RBFOX3: variants seen among roughly 807,000 people sequenced by gnomAD.
RBFOX3 encodes RNA binding fox-1 homolog 3, also known as RNA binding protein fox-1 homolog 3.
Under a neutral mutation model 48.7 loss-of-function variants are expected in RBFOX3, and 17 were observed. That is an observed-to-expected ratio of 0.35 (90% CI 0.24 to 0.52). RBFOX3 has a LOEUF of 0.52. RBFOX3 is among the 20% of genes least tolerant of loss of function. The probability of loss-of-function intolerance (pLI) is 0.94; values close to 1 mark genes in which losing one functional copy is unlikely to be tolerated. For missense variants in RBFOX3, 382 were observed against 497.5 expected, an observed-to-expected ratio of 0.77 and a Z score of 2.21; for synonymous variants, 212 against 209.5, an observed-to-expected ratio of 1.01 and a Z score of -0.10.
intron 1 of RBFOX3, among the ~76,000 whole-genome samples, chr17:79,501,784 A>C (rs996064331): frequency 6.6e-6 from 1 of 152,202 alleles, no homozygotes; most frequent in African/African-American, 2.4e-5. Flanking sequence ...ACAGTATTTA[A>C]CAACTGACCT....
Position 79,477,564 on chromosome 17 carries a change from A to G in RBFOX3, c.-175+4890T>C, listed in dbSNP as rs2078110127. 6.6e-6 allele frequency among the ~76,000 whole-genome samples: 1 copy of G among 152,046 alleles called. No homozygotes were observed. Among genetic ancestry groups the G allele is most frequent in the South Asian group, 2.1e-4 (1 of 4,826 alleles). Reference sequence around the variant, plus strand: ...GAGCGAAACTCCGTCACCGGAAAAAAAAAAAGAGGAGGAGGAGTAGGAAAA... The same window carrying G: ...GAGCGAAACTCCGTCACCGGAAAAAGAAAAAGAGGAGGAGGAGTAGGAAAA... On this transcript the variant is annotated intron_variant, in intron 2 of 14. Coordinates refer to ENST00000693108, the MANE Select transcript of RBFOX3 (RefSeq NM_001350451.2). This position sits in a 1 kb window ranked among gnomAD's most constrained non-coding sequence, Gnocchi z 4.8.
At chr17:79,289,137 C>T (rs947687904) in intron 3 of RBFOX3, among the ~76,000 whole-genome samples, 2 of 152,240 alleles carry the variant, frequency 1.3e-5, no homozygotes, top group African/African-American at 4.8e-5. Context: ...AAAAGACACG[C>T]CCCTATGCAG....
At chr17:79,604,260 G>A (rs1446120026) in intron 1 of RBFOX3, among the ~76,000 whole-genome samples, 3 of 152,202 alleles carry the variant, frequency 2.0e-5, no homozygotes, top group Non-Finnish European at 4.4e-5. Context: ...TCAACACCAA[G>A]TCATTAGGCT....
chr17:79,368,249 C>T (rs1158132585), intron 2 of RBFOX3, among the ~76,000 whole-genome samples: 3 of 152,064 alleles, frequency 2.0e-5, no homozygotes, highest in African/African-American at 7.2e-5. Flanking sequence ...TTATCTAAAG[C>T]AAAGGGAGCT....
intron 1 of RBFOX3, among the ~76,000 whole-genome samples, chr17:79,575,431 G>A (rs1188762330): frequency 6.6e-6 from 1 of 152,306 alleles, no homozygotes; most frequent in East Asian, 1.9e-4. Flanking sequence ...GAAGTGGGTC[G>A]AGGTGCAGGG....
chr17:79,299,351 C>T lies in RBFOX3; in HGVS notation c.-74+8373G>A, dbSNP rs1037981136. ...CTTAAAATGGGACTGTACAGGCAGT[C>T]CTCTGGATCTTAGAGTTCTGCATCC... On this transcript the variant is annotated intron_variant, in intron 3 of 14. Transcript: ENST00000693108. The surrounding 1 kb of genome is among the most constrained non-coding windows in gnomAD (Gnocchi z 4.5). Among the ~76,000 whole-genome samples the T allele has an allele frequency of 6.6e-6, 1 of 152,042 alleles. No individual in the cohort carries two copies. Among genetic ancestry groups the T allele is most frequent in the African/African-American group, 2.4e-5 (1 of 41,382 alleles).
At chr17:79,620,111 G>GCA in the RBFOX3 span, among the ~76,000 whole-genome samples, 14 of 123,452 alleles carry the variant, frequency 1.1e-4, no homozygotes, top group South Asian at 4.7e-4. Context: ...GTGCATGCAC[G>GCA]CATATGCACA....
intron 4 of RBFOX3, among the ~76,000 whole-genome samples, chr17:79,120,669 G>A (rs2035459250): frequency 7.1e-6 from 1 of 141,196 alleles, no homozygotes; most frequent in Admixed American, 7.1e-5. Flanking sequence ...CGGATGAATG[G>A]ATGGGTGGAT....
At chr17:79,101,536 T>C (rs1599421641) in intron 9 of RBFOX3, 48 bp downstream of exon 9, 1 of 1,493,518 alleles carries the variant, frequency 6.7e-7, no homozygotes, top group East Asian at 2.5e-5. Context: ...AGGGCCTCTG[T>C]CCCAGCCAGT....
At chr17:79,240,986 AT>A (rs34588470) in intron 3 of RBFOX3, among the ~76,000 whole-genome samples, 2 of 150,782 alleles carry the variant, frequency 1.3e-5, no homozygotes, top group African/African-American at 4.9e-5. Context: ...TTAAAAAAAA[AT>A]TTTTTTTGAG....
intron 4 of RBFOX3, among the ~76,000 whole-genome samples, chr17:79,196,504 G>C (rs1368492772): frequency 6.6e-6 from 1 of 152,208 alleles, no homozygotes; most frequent in Non-Finnish European, 1.5e-5. Context: ...ATACAAACCA[G>C]CTGGCACATA....
chr17:79,546,490 C>G (rs951895078), intron 1 of RBFOX3, among the ~76,000 whole-genome samples: 1 of 151,958 alleles, frequency 6.6e-6, no homozygotes, highest in East Asian at 1.9e-4. Flanking sequence ...CAGGGTTGAT[C>G]GATGGCTTGT....
chr17:79,494,421 G>T (rs2081151525), intron 1 of RBFOX3, among the ~76,000 whole-genome samples: 1 of 152,176 alleles, frequency 6.6e-6, no homozygotes, highest in Non-Finnish European at 1.5e-5. Context: ...CTGTAAGCAG[G>T]ACTGCTCCCA....
chr17:79,526,919 G>A (rs1351742358), intron 1 of RBFOX3, among the ~76,000 whole-genome samples: 3 of 152,220 alleles, frequency 2.0e-5, no homozygotes, highest in South Asian at 4.1e-4. Flanking sequence ...TCTGCAGCCA[G>A]CCACGCTGGA....
chr17:79,200,519 G>A lies in RBFOX3; in HGVS notation c.-34+35247C>T, dbSNP rs543242478. Among the ~76,000 whole-genome samples the A allele has an allele frequency of 5.3e-4, 80 of 152,326 alleles. 1 individual carries two copies. Among genetic ancestry groups the A allele is most frequent in the Admixed American group, 1.0e-3 (16 of 15,306 alleles). On this transcript the variant is annotated intron_variant, in intron 4 of 14. Coordinates refer to ENST00000693108, the MANE Select transcript of RBFOX3 (RefSeq NM_001350451.2). Reference sequence around the variant, plus strand: ...AGCCAAGAGGGGCAGAGGTGCCGCCGGAGGGACAGCGGTGGCCGAGCAGAA... The same window carrying A: ...AGCCAAGAGGGGCAGAGGTGCCGCCAGAGGGACAGCGGTGGCCGAGCAGAA...
At chr17:79,368,631 G>A (rs888673460) in intron 2 of RBFOX3, among the ~76,000 whole-genome samples, 3 of 152,160 alleles carry the variant, frequency 2.0e-5, no homozygotes, top group African/African-American at 7.2e-5. Flanking sequence ...CATCCGAGAA[G>A]GTGCTGGAAG....
At chr17:79,509,142 A>T (rs935981167) in intron 1 of RBFOX3, among the ~76,000 whole-genome samples, 1 of 151,752 alleles carries the variant, frequency 6.6e-6, no homozygotes, top group Non-Finnish European at 1.5e-5. Flanking sequence ...CTGGGGTCTA[A>T]ATCAACCACT....
intron 3 of RBFOX3, among the ~76,000 whole-genome samples, chr17:79,287,938 G>A (rs1196187700): frequency 6.6e-6 from 1 of 152,182 alleles, no homozygotes; most frequent in African/African-American, 2.4e-5. Flanking sequence ...CTGTGCATGG[G>A]ACGCGCTCTG....
At chr17:79,399,963 C>T (rs2062581913) in intron 2 of RBFOX3, among the ~76,000 whole-genome samples, 1 of 152,224 alleles carries the variant, frequency 6.6e-6, no homozygotes, top group Admixed American at 6.5e-5. Context: ...TATCCAGGTT[C>T]ACCCACTGCT....
Sources: gnomAD v4.1 joint callset for allele counts (sites outside exome capture counted in the v4.1 genomes callset) on GRCh38, gnomAD v4.1.1 for gene constraint, Gnocchi (gnomAD v3.1) non-coding constraint, MANE v1.5 for transcripts, NCBI Gene and HGNC (gene_info 2026-07-23, HGNC 2026-07-21) for gene names.